ST6GAL2: variants seen among roughly 807,000 people sequenced by gnomAD.
ST6GAL2 encodes ST6 beta-galactoside alpha-2,6-sialyltransferase 2, also known as beta-galactoside alpha-2,6-sialyltransferase 2.
In ST6GAL2, 24 loss-of-function variants were observed where a neutral mutation model predicts 37.5. The observed-to-expected ratio is 0.64, with a 90% CI of 0.46 to 0.90. The LOEUF is 0.90. Among genes scored for constraint, ST6GAL2 ranks in the 40% least tolerant of loss-of-function variants. The pLI is 0.00. For missense variants in ST6GAL2, 715 were observed against 712.7 expected (o/e 1.00, Z -0.04); for synonymous variants, 306 against 295.1 (o/e 1.04, Z -0.38).
chr2:106,821,960 T>C (rs1280893410), intron 5 of ST6GAL2, among the ~76,000 whole-genome samples: 5 of 152,056 alleles, frequency 3.3e-5, no homozygotes, highest in South Asian at 4.1e-4. Flanking sequence ...TTCAACATCA[T>C]TTCATGATAA....
chr2:106,863,659 T>C (rs1325376628), intron 1 of ST6GAL2, among the ~76,000 whole-genome samples: 2 of 152,138 alleles, frequency 1.3e-5, no homozygotes, highest in Non-Finnish European at 2.9e-5. Flanking sequence ...TTGCTAAAGG[T>C]AGGACCTGGC....
chr2:106,870,956 T>C (rs145207934), intron 1 of ST6GAL2, among the ~76,000 whole-genome samples: 3 of 152,274 alleles, frequency 2.0e-5, no homozygotes, highest in Non-Finnish European at 4.4e-5. Context: ...AGTCATGCCA[T>C]GCTAATGACA....
intron 1 of ST6GAL2, among the ~76,000 whole-genome samples, chr2:106,855,644 T>A (rs796818878): frequency 5.9e-5 from 9 of 152,320 alleles, no homozygotes; most frequent in African/African-American, 2.2e-4. Context: ...ATGTGTTACA[T>A]CTAGGTACAT....
rs1432400339 is a variant in ST6GAL2 at position 106,806,963 on chromosome 2, C to T, written c.1319-14G>A. On this transcript the variant is annotated splice_polypyrimidine_tract_variant and intron_variant, in intron 5 of 5. Transcript: ENST00000409382. Reference sequence around the variant, plus strand: ...TTATGAGGATTCCTGACATGAAAACCAAAAATTAGAACCTAATGAACAACT... The same window carrying T: ...TTATGAGGATTCCTGACATGAAAACTAAAAATTAGAACCTAATGAACAACT... 1.3e-6 allele frequency: 2 copies of T among 1,597,156 alleles called. No homozygotes were observed. Among genetic ancestry groups the T allele is most frequent in the African/African-American group, 2.7e-5 (2 of 74,536 alleles).
At chr2:106,822,413 C>CA in intron 5 of ST6GAL2, among the ~76,000 whole-genome samples, 1 of 151,936 alleles carries the variant, frequency 6.6e-6, no homozygotes, top group Admixed American at 6.6e-5. Flanking sequence ...ACAATAACTA[C>CA]AAATAAAATA....
At chr2:106,815,401 G>C (rs540633096) in intron 5 of ST6GAL2, among the ~76,000 whole-genome samples, 66 of 152,266 alleles carry the variant, frequency 4.3e-4, no homozygotes, top group Admixed American at 8.5e-4. Context: ...ATAATATCAA[G>C]CACTCTGAAA....
intron 5 of ST6GAL2, among the ~76,000 whole-genome samples, chr2:106,820,659 C>T (rs1049087767): frequency 5.3e-5 from 8 of 152,078 alleles, no homozygotes; most frequent in African/African-American, 1.9e-4. Context: ...AACATTTCAT[C>T]CAATGGCTGC....
intron 5 of ST6GAL2, chr2:106,822,890 G>A (rs1469887337): frequency 1.3e-5 from 2 of 152,104 alleles, no homozygotes; most frequent in Non-Finnish European, 2.9e-5. Context: ...ATATTAAAAT[G>A]TATTTATATT....
At position 106,806,534 on chromosome 2, in the gene ST6GAL2, AAG is replaced by A; in HGVS notation, c.*142_*143del. ...AGTAATACATACTCAATGGCTTAGAAAGAGAAGGATTATCATGACCACCACTA... is the reference window on the plus strand; with the variant it reads ...AGTAATACATACTCAATGGCTTAGAAAGAAGGATTATCATGACCACCACTA... On this transcript the variant is annotated 3_prime_UTR_variant, in exon 6 of 6. Coordinates refer to ENST00000409382, the MANE Select transcript of ST6GAL2 (RefSeq NM_001142351.2). 1 of 936,740 alleles carries A rather than the reference AAG, an allele frequency of 1.1e-6. No homozygotes were observed. Among genetic ancestry groups the A allele is most frequent in the Non-Finnish European group, 1.6e-6 (1 of 626,042 alleles). 58.0% of individuals were successfully genotyped at this position (936,740 alleles called of 1,614,324 possible).
chr2:106,843,847 G>T lies in ST6GAL2; in HGVS notation c.131C>A (p.Ser44Tyr), dbSNP rs1390891314. The change falls in exon 2 of 6, where the codon TCC (serine) becomes TAC (tyrosine). Residue 44 changes from serine to tyrosine, a missense_variant. Coordinates refer to ENST00000409382, the MANE Select transcript of ST6GAL2 (RefSeq NM_001142351.2). ...CAGGAGCCTCCTGGTCTCCAGGAAG[G>T]AGAGGGAGCTGGGTACAGGCTCAGC... ...NPAEPVPSSL[S>Y]FLETRRLLPV... 2 of 1,612,308 alleles carry T rather than the reference G, an allele frequency of 1.2e-6. No individual in the cohort carries two copies. Among genetic ancestry groups the T allele is most frequent in the Non-Finnish European group, 1.7e-6 (2 of 1,179,718 alleles).
chr2:106,867,066 G>GA (rs1237903409), intron 1 of ST6GAL2, among the ~76,000 whole-genome samples: 3 of 152,176 alleles, frequency 2.0e-5, no homozygotes. Flanking sequence ...GAAGAGAAGG[G>GA]AAAGGAGGGC....
chr2:106,822,711 C>A (rs1403528421), intron 5 of ST6GAL2, among the ~76,000 whole-genome samples: 3 of 152,028 alleles, frequency 2.0e-5, no homozygotes, highest in African/African-American at 7.2e-5. Context: ...CCAAAACTAT[C>A]CTGAGTGAAA....
chr2:106,844,103 T>G (rs1310489941), intron 1 of ST6GAL2, 69 bp from the exon 2 acceptor site: 20 of 719,612 alleles, frequency 2.8e-5, no homozygotes, highest in Non-Finnish European at 4.0e-5. Context: ...GGACATTCTA[T>G]CTTGAGCAGT....
intron 1 of ST6GAL2, among the ~76,000 whole-genome samples, chr2:106,874,500 AAGG>A (rs1205239984): frequency 6.6e-6 from 1 of 152,138 alleles, no homozygotes; most frequent in Admixed American, 6.5e-5. Flanking sequence ...TGGGGAATCT[AAGG>A]AGAAGAGAAT....
In ST6GAL2 at chr2:106,816,387, C is replaced by T. The variant is rs149335369; in HGVS notation, c.1319-9438G>A. 2.9e-3 allele frequency among the ~76,000 whole-genome samples: 439 copies of T among 152,228 alleles called. 4 individuals carry two copies. Among genetic ancestry groups the T allele is most frequent in the African/African-American group, 9.9e-3 (410 of 41,540 alleles). ...ATAATCTTGATACTAAAAGTCAAAA[C>T]ATATTTGCAAAGTTATGGTTTAAGT... On this transcript the variant is annotated intron_variant, in intron 5 of 5. Transcript: ENST00000409382.
chr2:106,809,341 C>G (rs1319252376), intron 5 of ST6GAL2, among the ~76,000 whole-genome samples: 1 of 152,220 alleles, frequency 6.6e-6, no homozygotes, highest in Non-Finnish European at 1.5e-5. Flanking sequence ...GTCTTTTACA[C>G]AAAGTCACTG....
At chr2:106,876,183 A>C (rs1446959638) in intron 1 of ST6GAL2, among the ~76,000 whole-genome samples, 2 of 152,158 alleles carry the variant, frequency 1.3e-5, no homozygotes, top group Admixed American at 1.3e-4. Context: ...TTATATGTCC[A>C]GCATTATTTT....
At position 106,843,760 on chromosome 2, in the gene ST6GAL2, C is replaced by T. The variant is rs1261057134; in HGVS notation, c.218G>A (p.Gly73Asp). ...GGGCAGCGCCTGGCGTGCGTCCAGG[C>T]CCCCAGGCGGGGAGGGCTCATGTGC... ...GAAHEPSPPG[G>D]LDARQALPRA... The change falls in exon 2 of 6, where the codon GGC becomes GAC. Residue 73 changes from glycine (G) to aspartate (D), a missense_variant. Gly to Asp is a moderately conservative substitution (Grantham distance 94). Coordinates refer to ENST00000409382, the MANE Select transcript of ST6GAL2 (RefSeq NM_001142351.2). 1 of 1,609,940 alleles carries T rather than the reference C, an allele frequency of 6.2e-7. No homozygotes were observed. The highest frequency in any genetic ancestry group is 8.5e-7 in the Non-Finnish European group (1 of 1,177,968).
At chr2:106,815,727 G>A (rs1160023307) in intron 5 of ST6GAL2, among the ~76,000 whole-genome samples, 1 of 152,196 alleles carries the variant, frequency 6.6e-6, no homozygotes, top group African/African-American at 2.4e-5. Context: ...GAGATGCTAA[G>A]TAACTTGTTC....
Sources: gnomAD v4.1 joint callset for allele counts (sites outside exome capture counted in the v4.1 genomes callset) on GRCh38, gnomAD v4.1.1 for gene constraint, MANE v1.5 for transcripts, NCBI Gene and HGNC (gene_info 2026-07-23, HGNC 2026-07-21) for gene names.